The following ROBO2 variants were observed in gnomAD, a reference collection of about 807,000 sequenced individuals.
The protein encoded by ROBO2 is roundabout guidance receptor 2, also known as roundabout homolog 2.
Under a neutral mutation model 160.8 loss-of-function variants are expected in ROBO2, and 53 were observed. The ratio of observed to expected loss-of-function variants is 0.33; its 90% CI spans 0.26 to 0.41. ROBO2 has a LOEUF of 0.41. Ranked by LOEUF, ROBO2 falls within the 10% of genes least tolerant of loss-of-function variation. The probability of loss-of-function intolerance (pLI) is 1.00; values close to 1 mark genes in which losing one functional copy is unlikely to be tolerated. For synonymous variants in ROBO2, 664 were observed against 611.7 expected, an observed-to-expected ratio of 1.09 and a Z score of -1.26; for missense variants, 1,577 against 1,722.4, an observed-to-expected ratio of 0.92 and a Z score of 1.49.
chr3:77,027,091 C>T (rs552329790), intron 2 of ROBO2, among the ~76,000 whole-genome samples: 2 of 152,238 alleles, frequency 1.3e-5, no homozygotes, highest in South Asian at 4.1e-4. Flanking sequence ...GTAGCTTGAG[C>T]ATCAATTCTA....
chr3:75,971,306 G>A, intron 2 of ROBO2, among the ~76,000 whole-genome samples: 1 of 151,382 alleles, frequency 6.6e-6, no homozygotes, highest in East Asian at 2.0e-4. Context: ...ATCTCTCTCA[G>A]AGATCTCTGA....
chr3:76,743,080 C>T (rs1211185183), intron 2 of ROBO2, among the ~76,000 whole-genome samples: 1 of 152,114 alleles, frequency 6.6e-6, no homozygotes, highest in Non-Finnish European at 1.5e-5. Flanking sequence ...AATTGAGGCA[C>T]CATATCGCAG....
intron 2 of ROBO2, among the ~76,000 whole-genome samples, chr3:76,659,874 A>T (rs942640455): frequency 3.3e-5 from 5 of 152,170 alleles, no homozygotes; most frequent in African/African-American, 7.2e-5. Context: ...TTTGAAGGGG[A>T]TGAAGAAGCC....
chr3:76,267,038 C>A (rs1343289056), intron 2 of ROBO2, among the ~76,000 whole-genome samples: 2 of 152,098 alleles, frequency 1.3e-5, no homozygotes, highest in African/African-American at 4.8e-5. Context: ...TCTCTGTGTG[C>A]ATGTTCCTTA....
intron 5 of ROBO2, among the ~76,000 whole-genome samples, chr3:77,499,348 T>G (rs564621821): frequency 1.3e-5 from 2 of 152,308 alleles, no homozygotes; most frequent in East Asian, 3.9e-4. Flanking sequence ...CCTATATTTT[T>G]ACTGATCTTA....
At chr3:76,954,295 T>C (rs199946305) in intron 2 of ROBO2, among the ~76,000 whole-genome samples, 1 of 110,570 alleles carries the variant, frequency 9.0e-6, no homozygotes, top group Non-Finnish European at 2.2e-5. Context: ...TGAAAACTTC[T>C]GCCAATATTT....
intron 2 of ROBO2, among the ~76,000 whole-genome samples, chr3:76,785,978 G>A (rs1164897396): frequency 1.3e-5 from 2 of 151,294 alleles, no homozygotes; most frequent in East Asian, 3.9e-4. Context: ...TCCAACTGAA[G>A]GTCAAATCAG....
At chr3:77,340,657 C>T (rs1305127766) in intron 2 of ROBO2, among the ~76,000 whole-genome samples, 1 of 152,058 alleles carries the variant, frequency 6.6e-6, no homozygotes, top group African/African-American at 2.4e-5. Flanking sequence ...TCATAGGAGC[C>T]ATATGTTCAA....
At chr3:76,038,109 C>G (rs994083162) in intron 2 of ROBO2, among the ~76,000 whole-genome samples, 2 of 151,624 alleles carry the variant, frequency 1.3e-5, no homozygotes, top group African/African-American at 4.9e-5. Flanking sequence ...GTTTGTGGAG[C>G]AAGAAAAAAG....
chr3:75,928,828 A>C (rs1257031379), intron 1 of ROBO2, among the ~76,000 whole-genome samples: 1 of 146,458 alleles, frequency 6.8e-6, no homozygotes, highest in Non-Finnish European at 1.5e-5. Flanking sequence ...CTTTCAATGT[A>C]CCTTCAAACA....
At chr3:76,888,438 A>T (rs150208609) in intron 2 of ROBO2, among the ~76,000 whole-genome samples, 267 of 152,300 alleles carry the variant, frequency 1.8e-3, no homozygotes, top group African/African-American at 6.0e-3. Context: ...CAGGCTTAAT[A>T]CTTATTTTTC....
At chr3:77,641,600 T>A (rs976317548) in intron 24 of ROBO2, among the ~76,000 whole-genome samples, 1 of 152,080 alleles carries the variant, frequency 6.6e-6, no homozygotes, top group Non-Finnish European at 1.5e-5. Context: ...GTATATTTTA[T>A]ATGATATTTG....
At chr3:76,686,293 G>A (rs952756456) in intron 2 of ROBO2, among the ~76,000 whole-genome samples, 1 of 152,090 alleles carries the variant, frequency 6.6e-6, no homozygotes, top group Admixed American at 6.6e-5. Context: ...GTATCATTTA[G>A]AGGTTTCAGT....
At chr3:77,040,366 G>C in exon 1 of ROBO2, 1 of 1,005,244 alleles carries the variant, frequency 9.9e-7, no homozygotes, top group Middle Eastern at 5.1e-4. Flanking sequence ...TTTTTCGGCA[G>C]CGCGCTGGCA....
chr3:76,700,092 ACTT>A (rs1299565857), intron 2 of ROBO2, among the ~76,000 whole-genome samples: 2 of 152,050 alleles, frequency 1.3e-5, no homozygotes, highest in East Asian at 3.9e-4. Flanking sequence ...ACAACAAAAA[ACTT>A]CTTGGCAAAC....
At chr3:75,907,374 C>A (rs565550015) in intron 1 of ROBO2, among the ~76,000 whole-genome samples, 3 of 151,974 alleles carry the variant, frequency 2.0e-5, no homozygotes. Context: ...CAGAATGTGA[C>A]GGGGCAACCT....
intron 2 of ROBO2, among the ~76,000 whole-genome samples, chr3:76,551,458 G>A (rs1041935260): frequency 2.0e-5 from 3 of 152,016 alleles, no homozygotes; most frequent in Non-Finnish European, 2.9e-5. Flanking sequence ...CATCCTGGAC[G>A]TGGGACAAGA....
chr3:76,308,241 G>A (rs1039682111), intron 2 of ROBO2, among the ~76,000 whole-genome samples: 1 of 151,886 alleles, frequency 6.6e-6, no homozygotes, highest in Non-Finnish European at 1.5e-5. Flanking sequence ...GCTGGGCGTG[G>A]TGGTGGGCGC....
At chr3:75,984,448 A>G (rs1026715878) in intron 2 of ROBO2, among the ~76,000 whole-genome samples, 3 of 151,492 alleles carry the variant, frequency 2.0e-5, no homozygotes, top group African/African-American at 2.4e-5. Context: ...CTCTGGATAA[A>G]CCAATAATTA....
Sources: allele counts gnomAD v4.1 joint callset (sites outside exome capture counted in the v4.1 genomes callset), GRCh38; gene constraint gnomAD v4.1.1; transcripts MANE v1.5; gene names NCBI Gene and HGNC (gene_info 2026-07-23, HGNC 2026-07-21).